The following NEMF variants were observed in gnomAD, a reference collection of about 807,000 sequenced individuals.
NEMF encodes the protein ribosome quality control complex subunit NEMF.
In NEMF, 89 loss-of-function variants were observed where a neutral mutation model predicts 162.2. The ratio of observed to expected loss-of-function variants is 0.55; its 90% CI spans 0.46 to 0.65. The LOEUF (loss-of-function observed/expected upper bound fraction) is 0.65, where lower values mean the gene tolerates loss of function less well. NEMF is among the 30% of genes least tolerant of loss of function. NEMF has a pLI of 0.00. For missense variants in NEMF, 1,133 were observed against 1,261.9 expected (o/e 0.90, Z 1.55); for synonymous variants, 421 against 404.5 (o/e 1.04, Z -0.49).
chr14:49,851,513 T>C (rs1334123403), intron 3 of NEMF, 50 bp downstream of exon 3: 1 of 1,265,708 alleles, frequency 7.9e-7, no homozygotes, highest in East Asian at 2.3e-5. Flanking sequence ...AAAAACTTAA[T>C]TGTTAGTGAG....
At position 49,784,581 on chromosome 14, in the gene NEMF, C is replaced by G; in HGVS notation, c.*55G>C. The G allele has an allele frequency of 7.9e-7, 1 of 1,259,782 alleles. No homozygotes were observed. Among genetic ancestry groups the G allele is most frequent in the South Asian group, 1.3e-5 (1 of 78,248 alleles). 78.0% of individuals were successfully genotyped at this position (1,259,782 alleles called of 1,614,324 possible). On this transcript the variant is annotated 3_prime_UTR_variant, in exon 33 of 33. Transcript: ENST00000298310. ...GATACATGGTGCTTTCATCTTTGAACTTCCAAAAGGCTATAAAATTGGCTC... is the reference window on the plus strand; with the variant it reads ...GATACATGGTGCTTTCATCTTTGAAGTTCCAAAAGGCTATAAAATTGGCTC...
At chr14:49,846,719 C>A (rs1261186639) in intron 3 of NEMF, among the ~76,000 whole-genome samples, 11 of 152,226 alleles carry the variant, frequency 7.2e-5, no homozygotes, top group Admixed American at 7.2e-4. Flanking sequence ...CCTGCCTTGG[C>A]CTCCCAAAGT....
chr14:49,836,619 C>T (rs1892917873), intron 6 of NEMF, among the ~76,000 whole-genome samples: 1 of 151,946 alleles, frequency 6.6e-6, no homozygotes, highest in African/African-American at 2.4e-5. Flanking sequence ...GCACTTCAGC[C>T]TGGGCAACAG....
Position 49,783,058 on chromosome 14 carries a change from C to G in NEMF, c.*1578G>C. 11 of 1,256,962 alleles carry G rather than the reference C, an allele frequency of 8.8e-6. No homozygotes were observed. Among genetic ancestry groups the G allele is most frequent in the Non-Finnish European group, 1.2e-5 (11 of 917,192 alleles). 77.9% of individuals were successfully genotyped at this position (1,256,962 alleles called of 1,614,324 possible). A position where few individuals can be genotyped will look rare whatever the true frequency, so the allele number is the denominator to read the frequency against. The stretch of plus-strand genomic sequence containing the variant: ...TTATATGCATTGTTGTAGTTTGCAC[C>G]TGTTGGTTTTAATGTGCATGTGAAT... On this transcript the variant is annotated 3_prime_UTR_variant, in exon 33 of 33. Transcript: ENST00000298310.
rs569044151 is a variant in NEMF at position 49,845,879 on chromosome 14, C to T, written c.357+261G>A. ...ATATTAGTCCTGAAATGTCAAGTAC[C>T]AAATAATTTACTTCTCAGATCTTCA... On this transcript the variant is annotated intron_variant, in intron 4 of 32. Coordinates refer to ENST00000298310, the MANE Select transcript of NEMF (RefSeq NM_004713.6). The T allele has an allele frequency of 8.0e-6, 4 of 502,080 alleles. No individual in the cohort carries two copies. In the East Asian group the frequency reaches 1.2e-4, roughly 15 times the overall value. The allele number at this position is 502,080 out of a possible 1,614,324, so 31.1% of individuals were successfully genotyped here. A position where few individuals can be genotyped will look rare whatever the true frequency, so the allele number is the denominator to read the frequency against.
In NEMF at chr14:49,795,758, A is replaced by G; in HGVS notation, c.2619+33T>C. ...AATTAAAAAGGAACCTCACAAATTA[A>G]CTGTGAACCATATAGATCATCCTGA... On this transcript the variant is annotated intron_variant, in intron 26 of 32. Coordinates refer to ENST00000298310, the MANE Select transcript of NEMF (RefSeq NM_004713.6). The G allele has an allele frequency of 2.5e-6, 4 of 1,569,948 alleles. No homozygotes were observed. The South Asian group carries it at 4.8e-5, about 19-fold the overall frequency.
Position 49,786,707 on chromosome 14 carries a change from T to C in NEMF, c.2928+11A>G. On this transcript the variant is annotated intron_variant, in intron 29 of 32. Transcript: ENST00000298310. ...CAGTGTTGTAGTAGGAACCCCAACATAAAATCATACCTCATTTCCCTGTTG... is the reference window on the plus strand; with the variant it reads ...CAGTGTTGTAGTAGGAACCCCAACACAAAATCATACCTCATTTCCCTGTTG... The C allele has an allele frequency of 6.2e-7, 1 of 1,611,688 alleles. No homozygotes were observed. The highest frequency in any genetic ancestry group is 1.3e-5 in the African/African-American group (1 of 75,008).
In NEMF at chr14:49,783,131, TA is replaced by T. The variant is rs1687625638; in HGVS notation, c.*1504del. ...GTCTAAAGTTTACAATAAATGTATT[TA>T]ACACCAGTAGCTGTCCTCTATTAAA... On this transcript the variant is annotated 3_prime_UTR_variant, in exon 33 of 33. Transcript: ENST00000298310. 2.1e-6 allele frequency: 1 copy of T among 486,560 alleles called. No homozygotes were observed. 30.1% of individuals were successfully genotyped at this position (486,560 alleles called of 1,614,324 possible).
At chr14:49,821,830 T>G (rs8021344) in intron 16 of NEMF, among the ~76,000 whole-genome samples, 1 of 151,778 alleles carries the variant, frequency 6.6e-6, no homozygotes, top group Non-Finnish European at 1.5e-5. Flanking sequence ...TCATTGAGAA[T>G]GGGCCATGAT....
At chr14:49,809,374 G>A (rs1435956110) in intron 18 of NEMF, among the ~76,000 whole-genome samples, 2 of 152,294 alleles carry the variant, frequency 1.3e-5, no homozygotes, top group Non-Finnish European at 2.9e-5. Flanking sequence ...AGACATGGAG[G>A]AAAGGTAAAA....
chr14:49,819,392 C>CATATAT (rs10596408), intron 16 of NEMF, among the ~76,000 whole-genome samples: 1 of 147,480 alleles, frequency 6.8e-6, no homozygotes, highest in African/African-American at 2.5e-5. Context: ...TATTATAGAC[C>CATATAT]ATATATATAT....
At position 49,782,351 on chromosome 14, in the gene NEMF, G is replaced by T. The variant is rs766335707; in HGVS notation, c.*2285C>A. Reference sequence around the variant, plus strand: ...TGGTGTTCTGGGTGGCTTCAAACTCGTTTTTGTTTTAAATGCAGGTTATGG... The same window carrying T: ...TGGTGTTCTGGGTGGCTTCAAACTCTTTTTTGTTTTAAATGCAGGTTATGG... On this transcript the variant is annotated 3_prime_UTR_variant, in exon 33 of 33. Coordinates refer to ENST00000298310, the MANE Select transcript of NEMF (RefSeq NM_004713.6). 4.4e-6 allele frequency: 7 copies of T among 1,585,888 alleles called. No homozygotes were observed. Among genetic ancestry groups the T allele is most frequent in the Non-Finnish European group, 5.2e-6 (6 of 1,161,610 alleles).
At position 49,789,254 on chromosome 14, in the gene NEMF, A is replaced by C. The variant is rs1202932885; in HGVS notation, c.2787T>G (p.Pro929=). ...TGTCAGAGACCCTCTGTCCACCTCT[A>C]GGTTTCTGGGGCTGTTTCTTCACAG... ...DEPVKKQPQK[P]RGGQRVSDNI... is the part of the protein sequence containing the mutation. The change falls in exon 28 of 33, where the codon CCT becomes CCG. Residue 929 remains proline, a synonymous_variant. Transcript: ENST00000298310. 2 of 1,613,956 alleles carry C rather than the reference A, an allele frequency of 1.2e-6. No individual in the cohort carries two copies. Among genetic ancestry groups the C allele is most frequent in the African/African-American group, 1.3e-5 (1 of 74,888 alleles).
At chr14:49,787,824 A>G (rs1290900403) in intron 28 of NEMF, among the ~76,000 whole-genome samples, 1 of 152,240 alleles carries the variant, frequency 6.6e-6, no homozygotes, top group Non-Finnish European at 1.5e-5. Flanking sequence ...TTACTAAACA[A>G]CAACTGTTCA....
intron 15 of NEMF, among the ~76,000 whole-genome samples, chr14:49,827,219 C>T (rs1892398905): frequency 6.6e-6 from 1 of 152,172 alleles, no homozygotes; most frequent in Non-Finnish European, 1.5e-5. Context: ...CGGAGTCTCG[C>T]TCTGTCTCCC....
chr14:49,784,991 G>A lies in NEMF; in HGVS notation c.3087C>T (p.Ala1029=). ...CTTTGGAATGCATGAAACTATTCAA[G>A]GCTGTTTTTGCAGCTGTAAATACAA... ...VQKKGKAAKT[A]LNSFMHSKEA... Residue 1029 remains alanine (A), a synonymous_variant, in exon 32 of 33, where the codon GCC becomes GCT. Coordinates refer to ENST00000298310, the MANE Select transcript of NEMF (RefSeq NM_004713.6). The A allele has an allele frequency of 6.2e-7, 1 of 1,613,734 alleles. No individual in the cohort carries two copies. The highest frequency in any genetic ancestry group is 8.5e-7 in the Non-Finnish European group (1 of 1,179,790).
At chr14:49,802,008 G>C (rs1187391116) in intron 22 of NEMF, among the ~76,000 whole-genome samples, 1 of 150,428 alleles carries the variant, frequency 6.6e-6, no homozygotes, top group East Asian at 2.0e-4. Flanking sequence ...CTGGAGTGCA[G>C]TGGCAGTGGC....
intron 19 of NEMF, among the ~76,000 whole-genome samples, chr14:49,805,820 C>T (rs1417481840): frequency 6.6e-6 from 1 of 152,026 alleles, no homozygotes; most frequent in Non-Finnish European, 1.5e-5. Flanking sequence ...AAACGGTATC[C>T]CCTATCACTC....
Position 49,803,222 on chromosome 14 carries a change from C to T in NEMF, c.1915+15G>A. On this transcript the variant is annotated intron_variant, in intron 20 of 32. Transcript: ENST00000298310. Reference sequence around the variant, plus strand: ...ATTGACAAGTCTAGTGATATTTTTCCTGTCAAGACATTACCTCTTATCATG... The same window carrying T: ...ATTGACAAGTCTAGTGATATTTTTCTTGTCAAGACATTACCTCTTATCATG... 1.3e-6 allele frequency: 2 copies of T among 1,582,878 alleles called. No individual in the cohort carries two copies.
Sources: allele counts gnomAD v4.1 joint callset (sites outside exome capture counted in the v4.1 genomes callset), GRCh38; gene constraint gnomAD v4.1.1; transcripts MANE v1.5; gene names NCBI Gene and HGNC (gene_info 2026-07-23, HGNC 2026-07-21).